The following MSH3 variants were observed in gnomAD, a reference collection of about 807,000 sequenced individuals.
The protein encoded by MSH3 is mutS homolog 3.
MSH3 carries 106 observed loss-of-function variants against 123.3 expected under a neutral mutation model. The observed-to-expected ratio is 0.86, with a 90% CI of 0.73 to 1.01. The LOEUF (loss-of-function observed/expected upper bound fraction) is 1.01. Among genes scored for constraint, MSH3 ranks in the 50% least tolerant of loss-of-function variants. The pLI, the probability that MSH3 is intolerant of heterozygous loss-of-function variation, is 0.00. For synonymous variants in MSH3, 515 were observed against 481.4 expected (o/e 1.07, Z -0.91); for missense variants, 1,459 against 1,347.6 (o/e 1.08, Z -1.29).
In MSH3 at chr5:80,876,124, C is replaced by G. The variant is rs1746304137; in HGVS notation, c.*262C>G. On this transcript the variant is annotated 3_prime_UTR_variant, in exon 24 of 24. Transcript: ENST00000265081. ...TTTATGGACAGTAAGTCCAGTAAAG[C>G]CTTAAGTGGCAGAATATAATTCCCA... 2 of 406,298 alleles carry G rather than the reference C, an allele frequency of 4.9e-6. No individual in the cohort carries two copies. The highest frequency in any genetic ancestry group is 8.8e-6 in the Non-Finnish European group (2 of 228,380). The allele number at this position is 406,298 out of a possible 1,614,324, so 25.2% of individuals were successfully genotyped here.
intron 9 of MSH3, 63 bp from the exon 10 acceptor site, chr5:80,728,788 C>A: frequency 1.1e-6 from 1 of 898,938 alleles, no homozygotes; most frequent in Non-Finnish European, 1.8e-6. Context: ...CTGTTTATTA[C>A]ATTTTTTAAT....
intron 20 of MSH3, among the ~76,000 whole-genome samples, chr5:80,847,050 G>A (rs955470479): frequency 1.3e-5 from 2 of 151,908 alleles, no homozygotes; most frequent in African/African-American, 2.4e-5. Context: ...CATCTTGGAA[G>A]CGACCCTTAA....
intron 21 of MSH3, among the ~76,000 whole-genome samples, chr5:80,859,076 A>AGCT (rs1234309542): frequency 6.6e-6 from 1 of 152,104 alleles, no homozygotes. Flanking sequence ...AAATTAATAT[A>AGCT]GCTGCTTCAG....
At chr5:80,864,489 T>G (rs1217630051) in intron 21 of MSH3, among the ~76,000 whole-genome samples, 1 of 152,118 alleles carries the variant, frequency 6.6e-6, no homozygotes, top group Admixed American at 6.6e-5. Flanking sequence ...AGTGTAATAA[T>G]TGTATTCTAG....
At position 80,718,054 on chromosome 5, in the gene MSH3, A is replaced by G. The variant is rs1580582693; in HGVS notation, c.1341-7399A>G. The stretch of plus-strand genomic sequence containing the variant: ...TATGGTACAAATATAAGAATATAAT[A>G]CAGATATAGAAGAAGGCTGCTGAAA... On this transcript the variant is annotated intron_variant, in intron 8 of 23. Transcript: ENST00000265081. 2.6e-5 allele frequency among the ~76,000 whole-genome samples: 4 copies of G among 152,358 alleles called. No homozygotes were observed. The East Asian group carries it at 7.7e-4, about 29-fold the overall frequency.
chr5:80,867,285 A>G (rs1746119974), intron 22 of MSH3, among the ~76,000 whole-genome samples: 1 of 152,156 alleles, frequency 6.6e-6, no homozygotes, highest in South Asian at 2.1e-4. Flanking sequence ...CAGCTTTATT[A>G]TCAGGCTAGT....
In MSH3 at chr5:80,828,134, C is replaced by T. The variant is rs141810365; in HGVS notation, c.2813+14393C>T. 2.0e-5 allele frequency among the ~76,000 whole-genome samples: 3 copies of T among 152,246 alleles called. No homozygotes were observed. In the East Asian group the frequency reaches 5.8e-4, roughly 29 times the overall value. The stretch of plus-strand genomic sequence containing the variant: ...ATTGATAAACAAAGTAAATTTATTA[C>T]AGTTCTGTAGACTGGGAAGTCCGAG... On this transcript the variant is annotated intron_variant, in intron 20 of 23. Coordinates refer to ENST00000265081, the MANE Select transcript of MSH3 (RefSeq NM_002439.5).
chr5:80,760,042 G>A (rs943294307), intron 12 of MSH3, among the ~76,000 whole-genome samples: 9 of 152,114 alleles, frequency 5.9e-5, no homozygotes, highest in South Asian at 2.1e-4. Flanking sequence ...TCACTAAATC[G>A]AAAGTCCTCA....
rs1045317648 is a variant in MSH3 at position 80,803,679 on chromosome 5, A to G, written c.2656-9905A>G. ...ACCAGTGTTCTGAAGATTTTCCCCA[A>G]TGTTTTCTTCTAGTAGTTTCATAGT... On this transcript the variant is annotated intron_variant, in intron 19 of 23. Coordinates refer to ENST00000265081, the MANE Select transcript of MSH3 (RefSeq NM_002439.5). Among the ~76,000 whole-genome samples, 8 of 152,034 alleles carry G rather than the reference A, an allele frequency of 5.3e-5. No homozygotes were observed. The East Asian group carries it at 7.7e-4, about 15-fold the overall frequency.
chr5:80,671,443 A>T (rs1628627), intron 4 of MSH3, among the ~76,000 whole-genome samples: 42,885 of 152,070 alleles, frequency 0.28, 6,369 homozygotes, highest in African/African-American at 0.36. Flanking sequence ...TGCATTATGC[A>T]ATGTTCTGTG....
intron 19 of MSH3, among the ~76,000 whole-genome samples, chr5:80,795,778 CGAGGCA>C (rs1454347718): frequency 6.6e-6 from 1 of 151,816 alleles, no homozygotes; most frequent in Non-Finnish European, 1.5e-5. Context: ...TTTGAGAGGC[CGAGGCA>C]GGAGGATTAG....
chr5:80,761,453 T>A, intron 12 of MSH3, 93 bp from the exon 13 acceptor site: 3 of 1,460,398 alleles, frequency 2.1e-6, no homozygotes, highest in Non-Finnish European at 2.9e-6. Flanking sequence ...GCCTAATAAG[T>A]GGCTGTGTCA....
chr5:80,781,477 TC>T (rs998666730), intron 17 of MSH3, among the ~76,000 whole-genome samples: 6 of 146,366 alleles, frequency 4.1e-5, no homozygotes, highest in African/African-American at 1.2e-4. Flanking sequence ...GTTACCAAGT[TC>T]TTTTTTTTTT....
intron 8 of MSH3, among the ~76,000 whole-genome samples, chr5:80,698,326 G>A (rs1372429582): frequency 6.6e-6 from 1 of 152,212 alleles, no homozygotes; most frequent in Non-Finnish European, 1.5e-5. Context: ...AGTGGCTGCT[G>A]TGCGCCAGCT....
intron 11 of MSH3, 149 bp from the exon 12 acceptor site, chr5:80,744,357 A>G (rs1314887769): frequency 3.1e-6 from 2 of 642,494 alleles, no homozygotes; most frequent in East Asian, 2.8e-5. Flanking sequence ...TTCTGTATGT[A>G]TGTATTCATC....
At chr5:80,676,258 T>A (rs927718253) in intron 7 of MSH3, among the ~76,000 whole-genome samples, 1 of 152,162 alleles carries the variant, frequency 6.6e-6, no homozygotes, top group Admixed American at 6.5e-5. Context: ...CTTGAACTCC[T>A]GACCTCAGGT....
At position 80,768,984 on chromosome 5, in the gene MSH3, T is replaced by G; in HGVS notation, c.2234T>G (p.Val745Gly). The G allele has an allele frequency of 6.2e-7, 1 of 1,612,964 alleles. No homozygotes were observed. Among genetic ancestry groups the G allele is most frequent in the East Asian group, 2.2e-5 (1 of 44,734 alleles). ...KILKNPSAQYVTVSGQEFMIE... is the reference protein window; with the variant it reads ...KILKNPSAQYGTVSGQEFMIE... The stretch of plus-strand genomic sequence containing the variant: ...CTAAAAAATCCTTCTGCACAATATG[T>G]GACAGTATCAGGACAGGAGGTAATG... The change falls in exon 15 of 24, where the codon GTG becomes GGG. Residue 745 changes from valine to glycine, a missense_variant. Val to Gly is a moderately radical substitution (Grantham distance 109). Transcript: ENST00000265081.
chr5:80,675,387 T>C (rs891538241), intron 7 of MSH3, among the ~76,000 whole-genome samples: 1 of 151,658 alleles, frequency 6.6e-6, no homozygotes, highest in African/African-American at 2.4e-5. Flanking sequence ...AGAAAAGAGG[T>C]TTAATTGGCT....
chr5:80,876,465 A>G lies in MSH3; in HGVS notation c.*603A>G, dbSNP rs950062632. On this transcript the variant is annotated 3_prime_UTR_variant, in exon 24 of 24. Transcript: ENST00000265081. ...TAAAAATATAAAGTACATCTCTACT[A>G]AAAATACGAAAAAATTAGCTGGGCA... The G allele has an allele frequency of 4.5e-5, 7 of 156,358 alleles. No homozygotes were observed. The highest frequency in any genetic ancestry group is 1.2e-4 in the African/African-American group (5 of 41,492). The allele number at this position is 156,358 out of a possible 1,614,324, so 9.7% of individuals were successfully genotyped here. A position where few individuals can be genotyped will look rare whatever the true frequency, so the allele number is the denominator to read the frequency against.
Sources: gnomAD v4.1 joint callset for allele counts (sites outside exome capture counted in the v4.1 genomes callset) on GRCh38, gnomAD v4.1.1 for gene constraint, MANE v1.5 for transcripts, NCBI Gene and HGNC (gene_info 2026-07-23, HGNC 2026-07-21) for gene names.